Variants in KMT2C observed in about 807,000 individuals in gnomAD.
KMT2C encodes the protein histone-lysine N-methyltransferase 2C.
KMT2C carries 88 observed loss-of-function variants against 507.9 expected under a neutral mutation model. The ratio of observed to expected loss-of-function variants is 0.17; its 90% CI spans 0.15 to 0.21. The LOEUF is 0.21. KMT2C is among the 10% of genes least tolerant of loss of function. KMT2C has a pLI of 1.00. For missense variants in KMT2C, 4,954 were observed against 5,957.8 expected, an observed-to-expected ratio of 0.83 and a Z score of 5.55; for synonymous variants, 2,049 against 2,080.8, an observed-to-expected ratio of 0.98 and a Z score of 0.42.
Position 152,159,065 on chromosome 7 carries a change from A to G in KMT2C, c.11468T>C (p.Leu3823Ser). ...KQNPAEGLQT[L>S]GAQMQGGFGC... ...AAAACCACCTTGCATTTGAGCCCCC[A>G]AAGTTTGCTAATGTAATTGGAAAGG... The change falls in exon 44 of 59, where the codon TTG (leucine) becomes TCG (serine). Residue 3823 changes from leucine (L) to serine (S), a missense_variant. Physicochemically the swap from Leu to Ser is moderately radical, Grantham distance 145. Transcript: ENST00000262189. 6.2e-7 allele frequency: 1 copy of G among 1,614,110 alleles called. No homozygotes were observed. Among genetic ancestry groups the G allele is most frequent in the Middle Eastern group, 1.7e-4 (1 of 6,060 alleles).
intron 1 of KMT2C, among the ~76,000 whole-genome samples, chr7:152,407,967 T>G (rs1008838112): frequency 6.6e-6 from 1 of 152,306 alleles, no homozygotes; most frequent in South Asian, 2.1e-4. Context: ...AACATATACT[T>G]CAGTATTATT....
intron 1 of KMT2C, among the ~76,000 whole-genome samples, chr7:152,398,757 A>G (rs1235480920): frequency 6.6e-6 from 1 of 152,116 alleles, no homozygotes; most frequent in Non-Finnish European, 1.5e-5. Context: ...AGAATGTATT[A>G]CATTCATAAC....
intron 6 of KMT2C, among the ~76,000 whole-genome samples, chr7:152,290,294 A>ATTT (rs869073980): frequency 3.3e-4 from 7 of 21,418 alleles, no homozygotes; most frequent in Admixed American, 1.1e-3. Flanking sequence ...ATATATATAT[A>ATTT]TTTTTTTTTT....
chr7:152,320,000 G>A (rs1266966000), intron 3 of KMT2C, among the ~76,000 whole-genome samples: 2 of 151,888 alleles, frequency 1.3e-5, no homozygotes, highest in Non-Finnish European at 2.9e-5. Flanking sequence ...GGCCACTACC[G>A]GTCTCCGCGT....
intron 1 of KMT2C, among the ~76,000 whole-genome samples, chr7:152,369,674 C>G (rs1038581966): frequency 6.6e-6 from 1 of 152,194 alleles, no homozygotes; most frequent in South Asian, 2.1e-4. Context: ...GAGGATGCCT[C>G]TCATGTTTGG....
At chr7:152,392,900 G>A (rs879088430) in intron 1 of KMT2C, among the ~76,000 whole-genome samples, 1 of 152,174 alleles carries the variant, frequency 6.6e-6, no homozygotes, top group African/African-American at 2.4e-5. Flanking sequence ...TTTGAAGGAA[G>A]AAAGGGCAAC....
intron 17 of KMT2C, 29 bp from the exon 18 acceptor site, chr7:152,230,056 A>G: frequency 8.1e-7 from 1 of 1,240,148 alleles, no homozygotes. Flanking sequence ...AACATATTTT[A>G]AATGGAGACT....
At chr7:152,282,670 T>A (rs1379986352) in intron 6 of KMT2C, among the ~76,000 whole-genome samples, 1 of 152,048 alleles carries the variant, frequency 6.6e-6, no homozygotes, top group Non-Finnish European at 1.5e-5. Context: ...TGATAGTGCA[T>A]GTCTTTGGGG....
chr7:152,276,346 C>T (rs1207626686), intron 6 of KMT2C, among the ~76,000 whole-genome samples: 1 of 152,148 alleles, frequency 6.6e-6, no homozygotes, highest in African/African-American at 2.4e-5. Flanking sequence ...CACTCTTATA[C>T]ACTACACATA....
At chr7:152,162,071 T>C (rs895048008) in intron 43 of KMT2C, 46 bp downstream of exon 43, 2 of 1,496,018 alleles carry the variant, frequency 1.3e-6, no homozygotes, top group Middle Eastern at 2.5e-4. Context: ...GTAAGTATAA[T>C]TTAAAACAAA....
intron 6 of KMT2C, among the ~76,000 whole-genome samples, chr7:152,276,732 A>AACAAT (rs1219861512): frequency 6.6e-6 from 1 of 152,052 alleles, no homozygotes; most frequent in African/African-American, 2.4e-5. Context: ...TAGCCTGGGA[A>AACAAT]ACAAAAGTGA....
At position 152,156,524 on chromosome 7, in the gene KMT2C, C is replaced by G. The variant is rs538720871; in HGVS notation, c.11671-178G>C. On this transcript the variant is annotated intron_variant, in intron 44 of 58. Transcript: ENST00000262189. Reference sequence around the variant, plus strand: ...AAGGCCAGGAGGCTTCTTAGTGGAACAGATACTCGTGATTTTATGGACATA... The same window carrying G: ...AAGGCCAGGAGGCTTCTTAGTGGAAGAGATACTCGTGATTTTATGGACATA... Among the ~76,000 whole-genome samples, 8 of 152,270 alleles carry G rather than the reference C, an allele frequency of 5.3e-5. No homozygotes were observed. The South Asian group carries it at 1.7e-3, about 32-fold the overall frequency.
intron 5 of KMT2C, among the ~76,000 whole-genome samples, chr7:152,310,582 A>G (rs2096662414): frequency 6.6e-6 from 1 of 152,160 alleles, no homozygotes; most frequent in African/African-American, 2.4e-5. Flanking sequence ...AAACCAAAAA[A>G]ATGCAGAAGC....
chr7:152,136,815 C>G lies in KMT2C; in HGVS notation c.*17G>C. On this transcript the variant is annotated 3_prime_UTR_variant, in exon 59 of 59. Coordinates refer to ENST00000262189, the MANE Select transcript of KMT2C (RefSeq NM_170606.3). ...TCCTAGGGACAAGCCGCCCGCTGAG[C>G]TAGCAAGGAATGCATTTCAGTTCAT... The G allele has an allele frequency of 3.1e-6, 5 of 1,591,170 alleles. No homozygotes were observed. Among genetic ancestry groups the G allele is most frequent in the Non-Finnish European group, 4.3e-6 (5 of 1,159,568 alleles).
chr7:152,282,288 C>G (rs1439951204), intron 6 of KMT2C, among the ~76,000 whole-genome samples: 2 of 149,400 alleles, frequency 1.3e-5, no homozygotes, highest in African/African-American at 5.0e-5. Context: ...CAGAGCTGGA[C>G]CTTGTCTCAA....
chr7:152,167,309 T>G lies in KMT2C; in HGVS notation c.9587A>C (p.Lys3196Thr), dbSNP rs1168296947. The G allele has an allele frequency of 6.2e-7, 1 of 1,614,064 alleles. No individual in the cohort carries two copies. Among genetic ancestry groups the G allele is most frequent in the Non-Finnish European group, 8.5e-7 (1 of 1,180,000 alleles). The part of the protein sequence containing the change: ...ETQQLLQMQQ[K>T]YLEEQIGAHR... ...AGCACCAATTTGTTCTTCAAGATAC[T>G]TCTGCTGCATTTGAAGCAGCTGTTG... is the stretch of plus-strand genomic sequence containing the variant. Residue 3196 changes from lysine to threonine, a missense_variant, in exon 42 of 59, where the codon AAG (lysine) becomes ACG (threonine). This residue lies in a region of KMT2C where 71 missense variants were observed against 139.2 expected (regional missense o/e 0.51). Coordinates refer to ENST00000262189, the MANE Select transcript of KMT2C (RefSeq NM_170606.3).
intron 55 of KMT2C, among the ~76,000 whole-genome samples, chr7:152,142,963 G>A (rs892415582): frequency 6.6e-6 from 1 of 152,162 alleles, no homozygotes; most frequent in Non-Finnish European, 1.5e-5. Flanking sequence ...GAGGGTGGCA[G>A]GATGAAATAA....
chr7:152,362,481 A>G (rs1400438625), intron 1 of KMT2C, among the ~76,000 whole-genome samples: 1 of 152,230 alleles, frequency 6.6e-6, no homozygotes, highest in African/African-American at 2.4e-5. Flanking sequence ...AACAATCCCA[A>G]CATGGCTGCT....
At chr7:152,299,352 A>AAAT (rs2096545634) in intron 6 of KMT2C, among the ~76,000 whole-genome samples, 1 of 149,838 alleles carries the variant, frequency 6.7e-6, no homozygotes, top group African/African-American at 2.5e-5. Flanking sequence ...ATAAATAAAT[A>AAAT]AAGTAAAAGA....
Sources: allele counts gnomAD v4.1 joint callset (sites outside exome capture counted in the v4.1 genomes callset), GRCh38; gene constraint gnomAD v4.1.1; regional missense constraint gnomAD v4.1.1; transcripts MANE v1.5; gene names NCBI Gene and HGNC (gene_info 2026-07-23, HGNC 2026-07-21).